Variants in CDCA7L observed in about 807,000 individuals in gnomAD.
The protein encoded by CDCA7L is cell division cycle associated 7 like.
A neutral mutation model predicts 57.4 loss-of-function variants in CDCA7L; 44 were observed. The ratio of observed to expected loss-of-function variants is 0.77; its 90% CI spans 0.60 to 0.98. The LOEUF (loss-of-function observed/expected upper bound fraction) is 0.98. Ranked by LOEUF, CDCA7L falls within the 50% of genes least tolerant of loss-of-function variation. The pLI is 0.00. For synonymous variants in CDCA7L, 236 were observed against 202.8 expected (o/e 1.16, Z -1.39); for missense variants, 644 against 580.6 (o/e 1.11, Z -1.12).
At chr7:21,933,822 T>G (rs754401198) in intron 1 of CDCA7L, among the ~76,000 whole-genome samples, 33 of 151,662 alleles carry the variant, frequency 2.2e-4, no homozygotes, top group Non-Finnish European at 4.1e-4. Context: ...AAAAAGATTA[T>G]CAGCCGTTTT....
chr7:21,916,374 T>C (rs10254289), intron 2 of CDCA7L, among the ~76,000 whole-genome samples: 12,755 of 151,876 alleles, frequency 0.084, 1,764 homozygotes, highest in African/African-American at 0.29. Context: ...AGAGGTGTAA[T>C]TGTCTCCCCG....
chr7:21,902,631 TCTCTCTCTGCA>T, intron 9 of CDCA7L: 2 of 526,200 alleles, frequency 3.8e-6, no homozygotes, highest in Non-Finnish European at 6.8e-6. Flanking sequence ...TGCCCTGAAC[TCTCTCTCTGCA>T]CTAGGATTAT....
chr7:21,930,231 G>C (rs113145513), intron 1 of CDCA7L, among the ~76,000 whole-genome samples: 4 of 152,152 alleles, frequency 2.6e-5, no homozygotes, highest in African/African-American at 9.6e-5. Flanking sequence ...GGTAACTAAC[G>C]AAATCAAGAC....
chr7:21,933,535 C>G (rs1786078132), intron 1 of CDCA7L, among the ~76,000 whole-genome samples: 1 of 152,164 alleles, frequency 6.6e-6, no homozygotes, highest in East Asian at 1.9e-4. Context: ...GCTAAATTAT[C>G]AGCAAACTAA....
intron 9 of CDCA7L, 101 bp downstream of exon 9, chr7:21,902,877 A>AGT: frequency 9.2e-7 from 1 of 1,082,722 alleles, no homozygotes; most frequent in Non-Finnish European, 1.4e-6. Context: ...TATATAAGTA[A>AGT]GTAAGTCACA....
At chr7:21,944,140 TAGA>T (rs968126002) in intron 1 of CDCA7L, among the ~76,000 whole-genome samples, 6 of 151,966 alleles carry the variant, frequency 3.9e-5, no homozygotes, top group African/African-American at 7.3e-5. Context: ...CAGAAACTCC[TAGA>T]AGGTTAGGAC....
chr7:21,943,307 G>C (rs868230621), intron 1 of CDCA7L, among the ~76,000 whole-genome samples: 1 of 152,238 alleles, frequency 6.6e-6, no homozygotes, highest in Non-Finnish European at 1.5e-5. Context: ...CAGAGTAAAT[G>C]AGTCTCCTTG....
intron 4 of CDCA7L, 43 bp downstream of exon 4, chr7:21,908,087 G>C (rs1446037996): frequency 6.7e-7 from 1 of 1,491,270 alleles, no homozygotes; most frequent in Admixed American, 2.5e-5. Flanking sequence ...ACTGCTGCCA[G>C]AGCCTGGTGC....
At chr7:21,916,514 T>TAAAAAAAAAAAAAAAAAAAAA (rs71557529) in intron 2 of CDCA7L, among the ~76,000 whole-genome samples, 1 of 105,150 alleles carries the variant, frequency 9.5e-6, no homozygotes, top group Non-Finnish European at 1.9e-5. Context: ...TCCCTTTATT[T>TAAAAAAAAAAAAAAAAAAAAA]AAAAAAAAAA....
chr7:21,935,881 C>T (rs998342459), intron 1 of CDCA7L, among the ~76,000 whole-genome samples: 16 of 151,956 alleles, frequency 1.1e-4, no homozygotes, highest in African/African-American at 2.2e-4. Context: ...TGGTGGTGGG[C>T]GCCTGTAATC....
At chr7:21,911,325 C>A (rs1359913543) in intron 3 of CDCA7L, among the ~76,000 whole-genome samples, 1 of 151,828 alleles carries the variant, frequency 6.6e-6, no homozygotes, top group Admixed American at 6.6e-5. Flanking sequence ...CCGTGCCTGG[C>A]CAAGAGAGAT....
chr7:21,914,938 T>TGCTC (rs1253364244), intron 2 of CDCA7L, among the ~76,000 whole-genome samples: 1 of 152,190 alleles, frequency 6.6e-6, no homozygotes, highest in Non-Finnish European at 1.5e-5. Flanking sequence ...CCAGGCTCTG[T>TGCTC]GCTCGGCCCT....
In CDCA7L at chr7:21,916,701, C is replaced by T. The variant is rs955424780; in HGVS notation, c.165+53G>A. 79 of 1,568,838 alleles carry T rather than the reference C, an allele frequency of 5.0e-5. No homozygotes were observed. In the African/African-American group the frequency reaches 8.5e-4, roughly 17 times the overall value. ...ATGTTCAAATAAAAGAACATCCAAACCAAGATTCAGGCCTCCAGATGAACA... is the reference window on the plus strand; with the variant it reads ...ATGTTCAAATAAAAGAACATCCAAATCAAGATTCAGGCCTCCAGATGAACA... On this transcript the variant is annotated intron_variant, in intron 2 of 9. Coordinates refer to ENST00000406877, the MANE Select transcript of CDCA7L (RefSeq NM_018719.5).
Position 21,931,427 on chromosome 7 carries a change from C to T in CDCA7L, c.24+14354G>A, listed in dbSNP as rs148148597. On this transcript the variant is annotated intron_variant, in intron 1 of 9. Coordinates refer to ENST00000406877, the MANE Select transcript of CDCA7L (RefSeq NM_018719.5). The stretch of plus-strand genomic sequence containing the variant: ...AGCAGCACATCAAAAAGCTTATCCA[C>T]CAGGATCAAGTTGGCTTCATCCCTG... Among the ~76,000 whole-genome samples the T allele has an allele frequency of 8.6e-3, 1,311 of 152,284 alleles. 13 individuals carry two copies. The highest frequency in any genetic ancestry group is 0.035 in the South Asian group (169 of 4,824).
intron 1 of CDCA7L, among the ~76,000 whole-genome samples, chr7:21,932,862 G>T (rs12055903): frequency 2.0e-5 from 3 of 151,718 alleles, no homozygotes; most frequent in Non-Finnish European, 4.4e-5. Context: ...AGAGTGAACA[G>T]GCAACTTACA....
chr7:21,902,112 G>GTGCATACATCTATATAGATTC lies in CDCA7L; in HGVS notation c.*189_*209dup, dbSNP rs1784908586. Reference sequence around the variant, plus strand: ...CAAAGTTCAGCATACAGACAGGTCTGTGCATACATCTATATAGATTCCTCT... The same window carrying GTGCATACATCTATATAGATTC: ...CAAAGTTCAGCATACAGACAGGTCTGTGCATACATCTATATAGATTCTGCATACATCTATATAGATTCCTCT... On this transcript the variant is annotated 3_prime_UTR_variant, in exon 10 of 10. Coordinates refer to ENST00000406877, the MANE Select transcript of CDCA7L (RefSeq NM_018719.5). 5.0e-6 allele frequency: 3 copies of GTGCATACATCTATATAGATTC among 601,962 alleles called. No individual in the cohort carries two copies. In the East Asian group the frequency reaches 8.4e-5, roughly 17 times the overall value. 37.3% of individuals were successfully genotyped at this position (601,962 alleles called of 1,614,324 possible).
chr7:21,901,440 T>C lies in CDCA7L; in HGVS notation c.*882A>G, dbSNP rs1784840783. ...GAAACTAACTCAGGGCTGAGCGTGG[T>C]GGCACACGACTGTAATCCCAGTTAC... is the stretch of plus-strand genomic sequence containing the variant. On this transcript the variant is annotated 3_prime_UTR_variant, in exon 10 of 10. Transcript: ENST00000406877. 12 of 789,198 alleles carry C rather than the reference T, an allele frequency of 1.5e-5. No individual in the cohort carries two copies. The highest frequency in any genetic ancestry group is 2.1e-5 in the Non-Finnish European group (12 of 568,386). 48.9% of individuals were successfully genotyped at this position (789,198 alleles called of 1,614,324 possible). A position where few individuals can be genotyped will look rare whatever the true frequency, so the allele number is the denominator to read the frequency against.
intron 3 of CDCA7L, 66 bp downstream of exon 3, chr7:21,911,551 T>G: frequency 6.6e-7 from 1 of 1,526,706 alleles, no homozygotes; most frequent in Non-Finnish European, 8.8e-7. Context: ...TGCTTACAAG[T>G]AAAACTCTTT....
chr7:21,931,825 G>A (rs1461933230), intron 1 of CDCA7L, among the ~76,000 whole-genome samples: 2 of 152,212 alleles, frequency 1.3e-5, no homozygotes, highest in African/African-American at 4.8e-5. Flanking sequence ...TCTGGCAAGA[G>A]AAAGAAATAA....
Sources: gnomAD v4.1 joint callset for allele counts (sites outside exome capture counted in the v4.1 genomes callset) on GRCh38, gnomAD v4.1.1 for gene constraint, MANE v1.5 for transcripts, NCBI Gene and HGNC (gene_info 2026-07-23, HGNC 2026-07-21) for gene names.